Variants in ERICH1 observed in about 807,000 individuals in gnomAD.
The protein encoded by ERICH1 is glutamate-rich protein 1.
A neutral mutation model predicts 39.6 loss-of-function variants in ERICH1; 56 were observed. That is an observed-to-expected ratio of 1.41 (90% CI 1.14 to 1.77). The LOEUF is 1.77. Ranked by LOEUF, ERICH1 falls within the 40% of genes most tolerant of loss-of-function variation. ERICH1 has a pLI of 0.00. For missense variants in ERICH1, 826 were observed against 575.4 expected, an observed-to-expected ratio of 1.44 and a Z score of -4.45; for synonymous variants, 313 against 223.6, an observed-to-expected ratio of 1.40 and a Z score of -3.57.
At chr8:682,950 A>G (rs1035968713) in intron 3 of ERICH1, among the ~76,000 whole-genome samples, 14 of 152,226 alleles carry the variant, frequency 9.2e-5, no homozygotes, top group Admixed American at 3.9e-4. Context: ...CTTCTTATCA[A>G]GTTGATCTAA....
chr8:713,287 T>C (rs1815173916), intron 2 of ERICH1, among the ~76,000 whole-genome samples: 1 of 152,242 alleles, frequency 6.6e-6, no homozygotes, highest in African/African-American at 2.4e-5. Flanking sequence ...GTGGCGGCTG[T>C]GAGGCGGGGA....
chr8:629,227 T>A (rs537096753), intron 3 of ERICH1, among the ~76,000 whole-genome samples: 1 of 152,236 alleles, frequency 6.6e-6, no homozygotes, highest in South Asian at 2.1e-4. Flanking sequence ...GCAACAAAAA[T>A]GGCCAACAGG....
At chr8:695,184 G>T (rs1305058331) in intron 2 of ERICH1, among the ~76,000 whole-genome samples, 1 of 152,034 alleles carries the variant, frequency 6.6e-6, no homozygotes, top group African/African-American at 2.4e-5. Context: ...CTATGGAGGG[G>T]CTCACAGCCA....
intron 3 of ERICH1, among the ~76,000 whole-genome samples, chr8:617,340 G>A (rs986685349): frequency 2.0e-5 from 3 of 152,168 alleles, no homozygotes; most frequent in Non-Finnish European, 4.4e-5. Context: ...ACCATGTCCA[G>A]AGTATCCCCT....
chr8:708,507 G>A (rs1207895107), intron 2 of ERICH1, among the ~76,000 whole-genome samples: 1 of 152,034 alleles, frequency 6.6e-6, no homozygotes. Flanking sequence ...CAACATGAAT[G>A]AACCTTTAAA....
At chr8:720,035 C>T (rs931870446) in intron 1 of ERICH1, among the ~76,000 whole-genome samples, 1 of 152,126 alleles carries the variant, frequency 6.6e-6, no homozygotes, top group Non-Finnish European at 1.5e-5. Context: ...AGAAGACCAA[C>T]ATTTAGAAAG....
intron 3 of ERICH1, among the ~76,000 whole-genome samples, chr8:622,197 G>C (rs1424223670): frequency 2.0e-5 from 3 of 152,090 alleles, no homozygotes; most frequent in African/African-American, 4.8e-5. Flanking sequence ...ACTCCATCCT[G>C]GGTGACAGAG....
intron 1 of ERICH1, among the ~76,000 whole-genome samples, chr8:723,623 G>A (rs1817861332): frequency 6.6e-6 from 1 of 152,182 alleles, no homozygotes; most frequent in Admixed American, 6.5e-5. Context: ...AGCAGCTCTA[G>A]CTGATCTCTT....
chr8:626,309 G>A (rs950920419), intron 3 of ERICH1: 1 of 152,158 alleles, frequency 6.6e-6, no homozygotes, highest in African/African-American at 2.4e-5. Flanking sequence ...GCCAACTATT[G>A]AGGACCTGGG....
At position 715,948 on chromosome 8, in the gene ERICH1, T is replaced by C; in HGVS notation, c.82A>G (p.Arg28Gly). 3 of 1,613,968 alleles carry C rather than the reference T, an allele frequency of 1.9e-6. No homozygotes were observed. Among genetic ancestry groups the C allele is most frequent in the Non-Finnish European group, 2.5e-6 (3 of 1,179,934 alleles). The change falls in exon 2 of 6, where the codon AGG becomes GGG. Residue 28 changes from arginine (R) to glycine (G), a missense_variant. By Grantham distance (125) the Arg-to-Gly change is moderately radical. Coordinates refer to ENST00000262109, the MANE Select transcript of ERICH1 (RefSeq NM_207332.3). ...FPPVPSGQGKREPQTLAVQNP... is the reference protein window; with the variant it reads ...FPPVPSGQGKGEPQTLAVQNP... Reference sequence around the variant, plus strand: ...TGGACGGCCAGCGTCTGGGGTTCCCTCTTTCCTTGGCCACTTGGAACAGGA... The same window carrying C: ...TGGACGGCCAGCGTCTGGGGTTCCCCCTTTCCTTGGCCACTTGGAACAGGA...
intron 4 of ERICH1, among the ~76,000 whole-genome samples, chr8:671,245 G>A (rs1803285609): frequency 7.0e-6 from 1 of 142,252 alleles, no homozygotes; most frequent in South Asian, 2.3e-4. Flanking sequence ...TCTGACCTCT[G>A]AACCCGCTGG....
At chr8:654,536 G>A (rs1800369203) in intron 3 of ERICH1, among the ~76,000 whole-genome samples, 1 of 152,124 alleles carries the variant, frequency 6.6e-6, no homozygotes, top group African/African-American at 2.4e-5. Flanking sequence ...TTTTCTATAT[G>A]TATGCCATAC....
At chr8:624,188 A>G (rs1478543515) in intron 3 of ERICH1, among the ~76,000 whole-genome samples, 3 of 152,218 alleles carry the variant, frequency 2.0e-5, no homozygotes, top group Non-Finnish European at 4.4e-5. Flanking sequence ...CGAAACCACA[A>G]TGAGACATCA....
chr8:622,350 C>G (rs183455079), intron 3 of ERICH1, among the ~76,000 whole-genome samples: 13 of 152,184 alleles, frequency 8.5e-5, no homozygotes, highest in Non-Finnish European at 1.6e-4. Flanking sequence ...TGGAGAGTGA[C>G]TAGGTCATGA....
chr8:617,187 C>G (rs551191191), intron 3 of ERICH1, among the ~76,000 whole-genome samples: 1 of 152,186 alleles, frequency 6.6e-6, no homozygotes, highest in African/African-American at 2.4e-5. Context: ...GGGGACCACA[C>G]GATTCCAAGA....
At chr8:730,662 G>T (rs1200909434) in intron 1 of ERICH1, among the ~76,000 whole-genome samples, 3 of 152,074 alleles carry the variant, frequency 2.0e-5, no homozygotes, top group Admixed American at 2.0e-4. Context: ...CCACACCTTA[G>T]GTCCACTGAA....
At chr8:683,525 G>A (rs1806619907) in intron 3 of ERICH1, among the ~76,000 whole-genome samples, 1 of 152,192 alleles carries the variant, frequency 6.6e-6, no homozygotes, top group Non-Finnish European at 1.5e-5. Context: ...TCTCTTAATA[G>A]ATCTGAATCT....
At chr8:656,173 C>T (rs771240652) in intron 3 of ERICH1, among the ~76,000 whole-genome samples, 6 of 152,166 alleles carry the variant, frequency 3.9e-5, no homozygotes, top group Non-Finnish European at 5.9e-5. Context: ...TGCCCCTCAT[C>T]CCCACAGCAT....
intron 3 of ERICH1, among the ~76,000 whole-genome samples, chr8:630,827 C>G (rs1340272879): frequency 6.7e-6 from 1 of 148,402 alleles, no homozygotes; most frequent in Admixed American, 6.7e-5. Context: ...ACAGAGCTGA[C>G]ACACACCCTC....
Sources: gnomAD v4.1 joint callset for allele counts (sites outside exome capture counted in the v4.1 genomes callset) on GRCh38, gnomAD v4.1.1 for gene constraint, MANE v1.5 for transcripts, NCBI Gene and HGNC (gene_info 2026-07-23, HGNC 2026-07-21) for gene names.